ZRANB3: variants seen among roughly 807,000 people sequenced by gnomAD.
ZRANB3 encodes zinc finger RANBP2-type containing 3, also known as DNA annealing helicase and endonuclease ZRANB3.
ZRANB3 carries 125 observed loss-of-function variants against 133.8 expected under a neutral mutation model. The observed-to-expected ratio is 0.93, with a 90% CI of 0.81 to 1.08. The LOEUF is 1.08. Among genes scored for constraint, ZRANB3 ranks in the 50% least tolerant of loss-of-function variants. The pLI is 0.00. For missense variants in ZRANB3, 1,229 were observed against 1,275.5 expected, an observed-to-expected ratio of 0.96 and a Z score of 0.56; for synonymous variants, 387 against 432.7, an observed-to-expected ratio of 0.89 and a Z score of 1.31.
At chr2:135,372,556 G>C (rs1686230274) in intron 3 of ZRANB3, among the ~76,000 whole-genome samples, 2 of 152,116 alleles carry the variant, frequency 1.3e-5, no homozygotes, top group African/African-American at 4.8e-5. Context: ...CCAGCACTTT[G>C]GGAGGCGGAT....
chr2:135,234,025 C>A (rs1455082309), intron 12 of ZRANB3, among the ~76,000 whole-genome samples: 1 of 152,168 alleles, frequency 6.6e-6, no homozygotes, highest in African/African-American at 2.4e-5. Context: ...CAAGACCCAT[C>A]AGTGTGCTGT....
At chr2:135,229,588 C>T (rs977829350) in intron 13 of ZRANB3, among the ~76,000 whole-genome samples, 4 of 151,876 alleles carry the variant, frequency 2.6e-5, no homozygotes, top group Non-Finnish European at 5.9e-5. Context: ...AGGATGGTCT[C>T]GATCTCCTGA....
At chr2:135,274,680 T>G (rs1425188177) in intron 9 of ZRANB3, among the ~76,000 whole-genome samples, 3 of 152,206 alleles carry the variant, frequency 2.0e-5, no homozygotes, top group Admixed American at 6.5e-5. Context: ...CAGAGGGGGA[T>G]TTGGCAGGGT....
intron 2 of ZRANB3, among the ~76,000 whole-genome samples, chr2:135,403,652 T>G (rs1687853588): frequency 6.6e-6 from 1 of 152,172 alleles, no homozygotes; most frequent in South Asian, 2.1e-4. Flanking sequence ...ATAGACTGCC[T>G]CCTCAAGTGG....
intron 2 of ZRANB3, among the ~76,000 whole-genome samples, chr2:135,418,029 G>A (rs1688668263): frequency 6.6e-6 from 1 of 152,106 alleles, no homozygotes; most frequent in Non-Finnish European, 1.5e-5. Flanking sequence ...GTTAATGTGT[G>A]CAGCATAGCA....
intron 17 of ZRANB3, among the ~76,000 whole-genome samples, chr2:135,211,065 G>A (rs945382430): frequency 6.6e-6 from 1 of 151,916 alleles, no homozygotes; most frequent in African/African-American, 2.4e-5. Context: ...ATAAGAAATA[G>A]CTTATTTTTT....
intron 2 of ZRANB3, among the ~76,000 whole-genome samples, chr2:135,475,134 T>C (rs1387272220): frequency 6.6e-6 from 1 of 152,228 alleles, no homozygotes; most frequent in Non-Finnish European, 1.5e-5. Flanking sequence ...GGATCAACCA[T>C]TCACTTACCC....
intron 2 of ZRANB3, among the ~76,000 whole-genome samples, chr2:135,467,257 C>T (rs1471909338): frequency 6.6e-6 from 1 of 152,166 alleles, no homozygotes; most frequent in Non-Finnish European, 1.5e-5. Flanking sequence ...ACAACTTTCT[C>T]TCTTAAGACT....
intron 6 of ZRANB3, 98 bp downstream of exon 6, chr2:135,345,452 G>C: frequency 1.2e-6 from 1 of 818,862 alleles, no homozygotes; most frequent in Non-Finnish European, 1.9e-6. Flanking sequence ...TGGGCGATGG[G>C]AGTGAGACTC....
chr2:135,283,879 G>A (rs1026936955), intron 8 of ZRANB3, among the ~76,000 whole-genome samples: 1 of 152,062 alleles, frequency 6.6e-6, no homozygotes, highest in African/African-American at 2.4e-5. Context: ...CTAGTCAGGA[G>A]GCTGTGGTGG....
At chr2:135,412,301 T>A (rs1488134641) in intron 2 of ZRANB3, among the ~76,000 whole-genome samples, 1 of 152,188 alleles carries the variant, frequency 6.6e-6, no homozygotes, top group Non-Finnish European at 1.5e-5. Flanking sequence ...CGTTATATTC[T>A]GAGAGGCACT....
intron 3 of ZRANB3, among the ~76,000 whole-genome samples, chr2:135,375,940 T>G (rs1349438328): frequency 6.6e-6 from 1 of 152,178 alleles, no homozygotes; most frequent in African/African-American, 2.4e-5. Context: ...AGTTCTAACC[T>G]CTAGTATTTC....
At chr2:135,347,577 C>T (rs747618567) in intron 5 of ZRANB3, among the ~76,000 whole-genome samples, 3 of 152,130 alleles carry the variant, frequency 2.0e-5, no homozygotes, top group East Asian at 1.9e-4. Context: ...CCATTGCTCC[C>T]GGCCTGTTTT....
chr2:135,378,833 A>G (rs1686550259), intron 3 of ZRANB3, among the ~76,000 whole-genome samples: 1 of 152,172 alleles, frequency 6.6e-6, no homozygotes. Context: ...CCTAACCACT[A>G]ATTTTCAGAA....
At chr2:135,273,099 T>C (rs971359508) in intron 9 of ZRANB3, among the ~76,000 whole-genome samples, 2 of 149,042 alleles carry the variant, frequency 1.3e-5, no homozygotes, top group African/African-American at 5.0e-5. Context: ...GGCAGAAGAA[T>C]GGCGTGAACC....
At chr2:135,247,962 C>T (rs1695879538) in intron 12 of ZRANB3, among the ~76,000 whole-genome samples, 1 of 152,194 alleles carries the variant, frequency 6.6e-6, no homozygotes, top group African/African-American at 2.4e-5. Flanking sequence ...CCTCACTGGA[C>T]AGAACCTCCC....
At chr2:135,335,509 A>G (rs1177381598) in intron 6 of ZRANB3, among the ~76,000 whole-genome samples, 1 of 152,078 alleles carries the variant, frequency 6.6e-6, no homozygotes, top group Non-Finnish European at 1.5e-5. Flanking sequence ...CTTGGCCAAC[A>G]TGGTGAAACC....
intron 3 of ZRANB3, among the ~76,000 whole-genome samples, chr2:135,372,282 C>A (rs1686217337): frequency 6.6e-6 from 1 of 152,114 alleles, no homozygotes; most frequent in East Asian, 1.9e-4. Context: ...GATACTGAAT[C>A]CGTTGGCGCC....
intron 6 of ZRANB3, among the ~76,000 whole-genome samples, chr2:135,328,394 A>G (rs1333502928): frequency 6.6e-6 from 1 of 152,088 alleles, no homozygotes; most frequent in Middle Eastern, 3.2e-3. Context: ...ACATGAACTC[A>G]TCCTTTTTTA....
Sources: allele counts gnomAD v4.1 joint callset (sites outside exome capture counted in the v4.1 genomes callset), GRCh38; gene constraint gnomAD v4.1.1; transcripts MANE v1.5; gene names NCBI Gene and HGNC (gene_info 2026-07-23, HGNC 2026-07-21).